The following CRACR2A variants were observed in gnomAD, a reference collection of about 807,000 sequenced individuals.
CRACR2A encodes the protein calcium release activated channel regulator 2A.
In CRACR2A, 79 loss-of-function variants were observed where a neutral mutation model predicts 90.5. The ratio of observed to expected loss-of-function variants is 0.87; its 90% CI spans 0.73 to 1.05. The LOEUF (loss-of-function observed/expected upper bound fraction) is 1.05. Among genes scored for constraint, CRACR2A ranks in the 50% least tolerant of loss-of-function variants. The pLI, the probability that CRACR2A is intolerant of heterozygous loss-of-function variation, is 0.00. For missense variants in CRACR2A, 823 were observed against 897.2 expected, an observed-to-expected ratio of 0.92 and a Z score of 1.06; for synonymous variants, 338 against 356.7, an observed-to-expected ratio of 0.95 and a Z score of 0.59.
rs760545856 is a variant in CRACR2A at position 3,641,866 on chromosome 12, C to T, written c.1165-28G>A. 5.2e-5 allele frequency: 81 copies of T among 1,544,898 alleles called. No homozygotes were observed. The African/African-American group carries it at 1.1e-3, about 20-fold the overall frequency. ...GTAGAAACACAAAATGTCCTCAGAT[C>T]CATGCCTATTTGCTCCGATGTTTGA... On this transcript the variant is annotated intron_variant, in intron 12 of 19. Coordinates refer to ENST00000440314, the MANE Select transcript of CRACR2A (RefSeq NM_001144958.2).
Position 3,747,554 on chromosome 12 carries a change from A to G in CRACR2A, c.-387+5461T>C, listed in dbSNP as rs1946645267. Among the ~76,000 whole-genome samples, 3 of 152,212 alleles carry G rather than the reference A, an allele frequency of 2.0e-5. No homozygotes were observed. In the South Asian group the frequency reaches 6.2e-4, roughly 31 times the overall value. ...CCAAGAGAACTCTGATGGACTACAAATCCTGGACCTCAATGCTGAGCAATC... is the reference window on the plus strand; with the variant it reads ...CCAAGAGAACTCTGATGGACTACAAGTCCTGGACCTCAATGCTGAGCAATC... On this transcript the variant is annotated intron_variant, in intron 1 of 19. Transcript: ENST00000440314.
Position 3,735,311 on chromosome 12 carries a change from C to T in CRACR2A, c.-386-2101G>A, listed in dbSNP as rs180810636. 7.0e-4 allele frequency among the ~76,000 whole-genome samples: 107 copies of T among 152,182 alleles called. 1 individual carries two copies. The highest frequency in any genetic ancestry group is 6.8e-3 in the Middle Eastern group (2 of 292). On this transcript the variant is annotated intron_variant, in intron 1 of 19. Coordinates refer to ENST00000440314, the MANE Select transcript of CRACR2A (RefSeq NM_001144958.2). ...GAGGCAAATCCTAGGACAGGGTGCA[C>T]GCAAGCCTGTGTGGGCACAAAGAAG...
At chr12:3,632,085 C>T (rs1032621937) in intron 15 of CRACR2A, among the ~76,000 whole-genome samples, 9 of 152,134 alleles carry the variant, frequency 5.9e-5, no homozygotes, top group Non-Finnish European at 1.2e-4. Flanking sequence ...TTAGCACCTT[C>T]CCTTTGGTGC....
intron 3 of CRACR2A, among the ~76,000 whole-genome samples, chr12:3,700,156 A>C (rs1196361209): frequency 1.3e-5 from 2 of 152,202 alleles, no homozygotes; most frequent in Non-Finnish European, 2.9e-5. Flanking sequence ...CTAACCCTGC[A>C]CTTACACAAC....
chr12:3,739,445 C>A (rs2137889745), intron 1 of CRACR2A, among the ~76,000 whole-genome samples: 1 of 152,274 alleles, frequency 6.6e-6, no homozygotes, highest in South Asian at 2.1e-4. Flanking sequence ...ATTTCTTATC[C>A]CTTTTAAAAT....
At chr12:3,664,853 A>G (rs1322592046) in intron 7 of CRACR2A, among the ~76,000 whole-genome samples, 1 of 152,180 alleles carries the variant, frequency 6.6e-6, no homozygotes, top group African/African-American at 2.4e-5. Flanking sequence ...CTAAAAATAC[A>G]AAAAGTAGCC....
At chr12:3,720,416 GAAGAAAGAAAGAAAGAAAGA>G (rs554793478) in intron 2 of CRACR2A, among the ~76,000 whole-genome samples, 17,454 of 106,572 alleles carry the variant, frequency 0.16, 1,464 homozygotes, top group Admixed American at 0.28. Context: ...TGAGAGAGAG[GAAGAAAGAAAGAAAGAAAGA>G]AAGAAAGAAA....
intron 3 of CRACR2A, among the ~76,000 whole-genome samples, chr12:3,701,164 A>G (rs1340974372): frequency 6.7e-6 from 1 of 149,398 alleles, no homozygotes; most frequent in Non-Finnish European, 1.5e-5. Flanking sequence ...AACTAAATGG[A>G]AAAAAAAAAG....
At chr12:3,626,446 C>A (rs1446100462) in intron 17 of CRACR2A, among the ~76,000 whole-genome samples, 1 of 152,194 alleles carries the variant, frequency 6.6e-6, no homozygotes, top group Non-Finnish European at 1.5e-5. Flanking sequence ...AGTAAATAAG[C>A]AATTTGTTGC....
intron 4 of CRACR2A, among the ~76,000 whole-genome samples, chr12:3,691,851 T>G (rs1384949002): frequency 2.6e-5 from 4 of 152,278 alleles, no homozygotes; most frequent in South Asian, 4.1e-4. Context: ...TGATTCTCAT[T>G]CTTTTTTCTC....
intron 10 of CRACR2A, among the ~76,000 whole-genome samples, chr12:3,650,531 T>C (rs894989963): frequency 1.3e-5 from 2 of 152,212 alleles, no homozygotes; most frequent in African/African-American, 4.8e-5. Context: ...TCTAAACCCC[T>C]GTCTGGGACT....
intron 1 of CRACR2A, among the ~76,000 whole-genome samples, chr12:3,735,113 C>T (rs911973120): frequency 6.6e-6 from 1 of 152,086 alleles, no homozygotes. Flanking sequence ...TGTTAACCAA[C>T]TTGATTGGGC....
At chr12:3,668,520 A>C (rs1945185782) in intron 7 of CRACR2A, among the ~76,000 whole-genome samples, 1 of 152,182 alleles carries the variant, frequency 6.6e-6, no homozygotes, top group Non-Finnish European at 1.5e-5. Context: ...CCCCAAGGTC[A>C]CTAAGAACTC....
At chr12:3,650,888 CAT>C (rs1944783064) in intron 10 of CRACR2A, among the ~76,000 whole-genome samples, 1 of 152,262 alleles carries the variant, frequency 6.6e-6, no homozygotes, top group African/African-American at 2.4e-5. Flanking sequence ...GTCTAGTAAA[CAT>C]ATATCTGCTT....
intron 17 of CRACR2A, among the ~76,000 whole-genome samples, chr12:3,623,970 C>G (rs912781296): frequency 2.6e-5 from 4 of 152,210 alleles, no homozygotes; most frequent in African/African-American, 9.6e-5. Flanking sequence ...CCATCATACA[C>G]TGTAGAAATT....
intron 1 of CRACR2A, among the ~76,000 whole-genome samples, chr12:3,736,445 T>C (rs1201732643): frequency 6.6e-6 from 1 of 152,040 alleles, no homozygotes; most frequent in African/African-American, 2.4e-5. Context: ...AATGTTAAGC[T>C]TGAGGCTTCC....
At chr12:3,748,186 T>C (rs1257209386) in intron 1 of CRACR2A, among the ~76,000 whole-genome samples, 1 of 152,180 alleles carries the variant, frequency 6.6e-6, no homozygotes, top group African/African-American at 2.4e-5. Flanking sequence ...GCCTCACATT[T>C]TTCCACCCCC....
intron 1 of CRACR2A, among the ~76,000 whole-genome samples, chr12:3,745,023 A>G (rs1363279887): frequency 1.3e-5 from 2 of 152,204 alleles, no homozygotes; most frequent in Non-Finnish European, 2.9e-5. Flanking sequence ...CTCTCTGCCC[A>G]CTGAAGACAG....
chr12:3,655,506 T>C (rs7301372), intron 9 of CRACR2A, among the ~76,000 whole-genome samples: 5,553 of 152,310 alleles, frequency 0.036, 120 homozygotes, highest in African/African-American at 0.053. Flanking sequence ...ACGGAAGCAA[T>C]GTGTCTTGGT....
Sources: allele counts gnomAD v4.1 joint callset (sites outside exome capture counted in the v4.1 genomes callset), GRCh38; gene constraint gnomAD v4.1.1; transcripts MANE v1.5; gene names NCBI Gene and HGNC (gene_info 2026-07-23, HGNC 2026-07-21).